Variants in PEMT observed in about 807,000 individuals in gnomAD.
PEMT encodes the protein phospholipid methyltransferase.
Under a neutral mutation model 27.4 loss-of-function variants are expected in PEMT, and 23 were observed. The observed-to-expected ratio is 0.84, with a 90% CI of 0.60 to 1.19. The LOEUF (loss-of-function observed/expected upper bound fraction) is 1.19. Ranked by LOEUF, PEMT falls within the 50% of genes most tolerant of loss-of-function variation. PEMT has a pLI of 0.00. For synonymous variants in PEMT, 137 were observed against 139.1 expected (o/e 0.98, Z 0.11); for missense variants, 307 against 310.1 (o/e 0.99, Z 0.07).
intron 2 of PEMT, among the ~76,000 whole-genome samples, chr17:17,524,523 G>A (rs1907526228): frequency 6.6e-6 from 1 of 151,812 alleles, no homozygotes; most frequent in Admixed American, 6.6e-5. Context: ...CAGCACTTCG[G>A]GAGGCTGAGG....
chr17:17,585,046 T>G (rs1444789894), intron 1 of PEMT, among the ~76,000 whole-genome samples: 2 of 152,176 alleles, frequency 1.3e-5, no homozygotes, highest in Admixed American at 6.5e-5. Flanking sequence ...GATTAAGAAC[T>G]GAGGTGAGTG....
Position 17,520,558 on chromosome 17 carries a change from C to T in PEMT, c.320+1722G>A, listed in dbSNP as rs777249680. Among the ~76,000 whole-genome samples, 32 of 152,228 alleles carry T rather than the reference C, an allele frequency of 2.1e-4. 1 individual carries two copies. The highest frequency in any genetic ancestry group is 5.2e-4 in the Admixed American group (8 of 15,286). On this transcript the variant is annotated intron_variant, in intron 3 of 6. Coordinates refer to ENST00000255389, the MANE Select transcript of PEMT (RefSeq NM_148172.3). ...TAAATGTGAAAATGCTCCCTGGGGC[C>T]GGAGAGCCTAGAAGATTGTAAGCAT...
chr17:17,554,093 TAGCCGGGATCCTGC>T (rs1909870256), intron 2 of PEMT, among the ~76,000 whole-genome samples: 1 of 152,264 alleles, frequency 6.6e-6, no homozygotes, highest in Admixed American at 6.5e-5. Context: ...CGGGGCCTGG[TAGCCGGGATCCTGC>T]AGCCAACAGC....
chr17:17,541,310 A>G (rs1597908248), intron 2 of PEMT, among the ~76,000 whole-genome samples: 1 of 152,248 alleles, frequency 6.6e-6, no homozygotes, highest in African/African-American at 2.4e-5. Context: ...CAGCTGAACC[A>G]CCTGATCCCG....
At chr17:17,569,605 C>T (rs1011404924) in intron 2 of PEMT, among the ~76,000 whole-genome samples, 37 of 152,192 alleles carry the variant, frequency 2.4e-4, no homozygotes, top group Non-Finnish European at 4.3e-4. Context: ...TTACAGCTCC[C>T]CTTCAGGTTT....
At chr17:17,574,022 T>TCC (rs1911395607) in intron 2 of PEMT, among the ~76,000 whole-genome samples, 1 of 152,032 alleles carries the variant, frequency 6.6e-6, no homozygotes, top group East Asian at 1.9e-4. Context: ...GCTCAACTGA[T>TCC]CCACCCACTG....
At position 17,509,619 on chromosome 17, in the gene PEMT, G is replaced by A; in HGVS notation, c.467-74C>T. ...CACACCATCACTGAGGGAGGCCCCA[G>A]AGCGGGCTGTGGCGAGACCTGCAGG... On this transcript the variant is annotated intron_variant, in intron 4 of 6. Transcript: ENST00000255389. 7 of 1,082,354 alleles carry A rather than the reference G, an allele frequency of 6.5e-6. No individual in the cohort carries two copies. The South Asian group carries it at 7.6e-5, about 12-fold the overall frequency. The allele number at this position is 1,082,354 out of a possible 1,614,324, so 67.0% of individuals were successfully genotyped here. A position where few individuals can be genotyped will look rare whatever the true frequency, so the allele number is the denominator to read the frequency against.
At chr17:17,553,328 C>G (rs752886584) in intron 2 of PEMT, among the ~76,000 whole-genome samples, 1 of 152,196 alleles carries the variant, frequency 6.6e-6, no homozygotes, top group Admixed American at 6.5e-5. Context: ...AACTTGGCTG[C>G]GGGGATGCAG....
chr17:17,542,905 G>A (rs781757313), intron 2 of PEMT, among the ~76,000 whole-genome samples: 2 of 152,214 alleles, frequency 1.3e-5, no homozygotes, highest in South Asian at 2.1e-4. Context: ...TGAAGCTGCC[G>A]TTCCTGCACA....
At chr17:17,535,651 G>A (rs1291893583) in intron 2 of PEMT, among the ~76,000 whole-genome samples, 1 of 152,210 alleles carries the variant, frequency 6.6e-6, no homozygotes, top group African/African-American at 2.4e-5. Flanking sequence ...GAAATTTGAT[G>A]TCTGGATTTG....
chr17:17,586,828 C>T (rs901136947), intron 1 of PEMT, among the ~76,000 whole-genome samples: 2 of 152,032 alleles, frequency 1.3e-5, no homozygotes, highest in Admixed American at 6.6e-5. Context: ...CATGGTGAAA[C>T]CCCATCTCTA....
chr17:17,534,065 C>T (rs1269078501), intron 2 of PEMT, among the ~76,000 whole-genome samples: 1 of 152,106 alleles, frequency 6.6e-6, no homozygotes, highest in Non-Finnish European at 1.5e-5. Flanking sequence ...ACACACCTAC[C>T]ACCACATGAC....
chr17:17,540,319 T>A (rs751351991), intron 2 of PEMT, among the ~76,000 whole-genome samples: 9 of 152,146 alleles, frequency 5.9e-5, no homozygotes, highest in Middle Eastern at 3.2e-3. Flanking sequence ...GACTCTGCGC[T>A]CTATCCCAGT....
intron 2 of PEMT, among the ~76,000 whole-genome samples, chr17:17,540,763 A>G (rs893136500): frequency 1.4e-4 from 22 of 152,142 alleles, no homozygotes; most frequent in African/African-American, 5.1e-4. Context: ...CCTCTCCTGC[A>G]GTGACCCCCT....
chr17:17,509,502 G>C lies in PEMT; in HGVS notation c.510C>G (p.Phe170Leu). Residue 170 changes from phenylalanine (F) to leucine (L), a missense_variant, in exon 5 of 7, where the codon TTC becomes TTG. By Grantham distance (22) the Phe-to-Leu change is conservative. Coordinates refer to ENST00000255389, the MANE Select transcript of PEMT (RefSeq NM_148172.3). ...TGGGGTTGTCCAGGATGTTGAAGGG[G>C]AACACGGTCACTCTCGCCTCCTTGA... ...GILKEARVTV[F>L]PFNILDNPMY... The C allele has an allele frequency of 6.2e-7, 1 of 1,614,014 alleles. No individual in the cohort carries two copies. Among genetic ancestry groups the C allele is most frequent in the Non-Finnish European group, 8.5e-7 (1 of 1,179,890 alleles).
At chr17:17,564,785 C>A (rs942229971) in intron 2 of PEMT, among the ~76,000 whole-genome samples, 4 of 152,200 alleles carry the variant, frequency 2.6e-5, no homozygotes, top group African/African-American at 9.7e-5. Flanking sequence ...CATGCCAATT[C>A]AAGCAAGAGG....
intron 2 of PEMT, among the ~76,000 whole-genome samples, chr17:17,560,231 T>TCGGGGACA (rs1158675701): frequency 1.3e-5 from 2 of 152,226 alleles, no homozygotes; most frequent in Middle Eastern, 3.4e-3. Flanking sequence ...GGCCCCAGCC[T>TCGGGGACA]CGGGGACACC....
chr17:17,507,153 CT>C (rs1417799948), intron 5 of PEMT: 1 of 1,558,478 alleles, frequency 6.4e-7, no homozygotes, highest in Non-Finnish European at 8.7e-7. Context: ...GTCCCCCAAT[CT>C]ATTTCTATAG....
chr17:17,591,263 C>A (rs1411521748), intron 1 of PEMT, among the ~76,000 whole-genome samples: 1 of 152,172 alleles, frequency 6.6e-6, no homozygotes, highest in Non-Finnish European at 1.5e-5. Flanking sequence ...ATCTCAGGGC[C>A]ACACACAGGC....
Sources: allele counts gnomAD v4.1 joint callset (sites outside exome capture counted in the v4.1 genomes callset), GRCh38; gene constraint gnomAD v4.1.1; transcripts MANE v1.5; gene names NCBI Gene and HGNC (gene_info 2026-07-23, HGNC 2026-07-21).